LRGUK: variants seen among roughly 807,000 people sequenced by gnomAD.
The protein encoded by LRGUK is leucine-rich repeat and guanylate kinase domain-containing protein.
A neutral mutation model predicts 76.0 loss-of-function variants in LRGUK; 65 were observed. That is an observed-to-expected ratio of 0.85 (90% CI 0.70 to 1.05). The LOEUF is 1.05. LRGUK is among the 50% of genes least tolerant of loss of function. LRGUK has a pLI of 0.00. For synonymous variants in LRGUK, 268 were observed against 265.6 expected (o/e 1.01, Z -0.09); for missense variants, 758 against 732.8 (o/e 1.03, Z -0.40).
chr7:134,254,018 C>T (rs575852712), intron 18 of LRGUK, among the ~76,000 whole-genome samples: 2 of 152,140 alleles, frequency 1.3e-5, no homozygotes, highest in African/African-American at 4.8e-5. Context: ...GTATGGTCCT[C>T]AACAGATAAA....
chr7:134,201,582 A>C lies in LRGUK; in HGVS notation c.1843+6A>C. On this transcript the variant is annotated splice_donor_region_variant and intron_variant, in intron 15 of 15. Coordinates refer to ENST00000645682, the Ensembl canonical transcript of LRGUK. ...GAGTTTGGCTACAACTGCAGGTACT[A>C]TTCTATCATTTTTGTGCCAGGATTT... 6.3e-7 allele frequency: 1 copy of C among 1,589,554 alleles called. No individual in the cohort carries two copies. Among genetic ancestry groups the C allele is most frequent in the Non-Finnish European group, 8.6e-7 (1 of 1,167,194 alleles).
chr7:134,210,662 A>G (rs1175805423), downstream of LRGUK, among the ~76,000 whole-genome samples: 1 of 152,170 alleles, frequency 6.6e-6, no homozygotes, highest in African/African-American at 2.4e-5. Context: ...GGTTCATCGA[A>G]AGGGCAGGTC....
intron 5 of LRGUK, among the ~76,000 whole-genome samples, chr7:134,157,245 T>A (rs1461666215): frequency 6.6e-6 from 1 of 152,208 alleles, no homozygotes; most frequent in Admixed American, 6.5e-5. Context: ...AAAGGGCTGT[T>A]CCTTTCTCTA....
At chr7:134,195,344 G>A (rs1371829006) in intron 12 of LRGUK, among the ~76,000 whole-genome samples, 1 of 152,226 alleles carries the variant, frequency 6.6e-6, no homozygotes, top group Non-Finnish European at 1.5e-5. Flanking sequence ...TTTTGGGAAA[G>A]GGCTGTTATC....
At chr7:134,173,418 T>C (rs931798219) in intron 7 of LRGUK, among the ~76,000 whole-genome samples, 3 of 152,226 alleles carry the variant, frequency 2.0e-5, no homozygotes, top group African/African-American at 7.2e-5. Flanking sequence ...GCAGAAATGA[T>C]TGGAGAAAAA....
chr7:134,204,831 A>G (rs1800934068), intron 15 of LRGUK, among the ~76,000 whole-genome samples: 1 of 152,216 alleles, frequency 6.6e-6, no homozygotes, highest in South Asian at 2.1e-4. Context: ...AATGGGGACC[A>G]GATGTTTACA....
At chr7:134,229,123 C>T (rs1801829243) in intron 16 of LRGUK, among the ~76,000 whole-genome samples, 3 of 152,090 alleles carry the variant, frequency 2.0e-5, no homozygotes, top group African/African-American at 7.2e-5. Context: ...CATCTGTAAT[C>T]CCAGTACTTT....
intron 16 of LRGUK, among the ~76,000 whole-genome samples, chr7:134,225,206 C>T (rs893469306): frequency 2.7e-5 from 4 of 146,526 alleles, no homozygotes; most frequent in Non-Finnish European, 5.9e-5. Flanking sequence ...AAAATGAAGA[C>T]AGTATGGGGA....
chr7:134,265,808 C>T (rs1267835213), downstream of LRGUK, among the ~76,000 whole-genome samples: 1 of 152,168 alleles, frequency 6.6e-6, no homozygotes, highest in Non-Finnish European at 1.5e-5. Flanking sequence ...TGGACCTATT[C>T]CTCACCTGGT....
At position 134,208,927 on chromosome 7, in the gene LRGUK, C is replaced by T. The variant is rs1045643612; in HGVS notation, c.2064C>T (p.Ser688=). 6 of 398,996 alleles carry T rather than the reference C, an allele frequency of 1.5e-5. No individual in the cohort carries two copies. The East Asian group carries it at 1.8e-4, about 12-fold the overall frequency. 24.7% of individuals were successfully genotyped at this position (398,996 alleles called of 1,614,324 possible). The change falls in exon 16 of 16, where the codon AGC becomes AGT. Residue 688 remains serine, a synonymous_variant. Transcript: ENST00000645682. The stretch of plus-strand genomic sequence containing the variant: ...ATCAAAAAGAGCTTTCTCCTGACAG[C>T]CATCTCAATCCTGAGCTCCCTCAAC...
chr7:134,193,796 C>A (rs1800359996), intron 12 of LRGUK, among the ~76,000 whole-genome samples: 1 of 152,162 alleles, frequency 6.6e-6, no homozygotes, highest in African/African-American at 2.4e-5. Context: ...CTCTACACAG[C>A]AGCCACCCAG....
intron 10 of LRGUK, among the ~76,000 whole-genome samples, chr7:134,181,943 T>C (rs1799770065): frequency 6.6e-6 from 1 of 152,202 alleles, no homozygotes; most frequent in African/African-American, 2.4e-5. Context: ...AGTCAAGATA[T>C]AGAGCAGTTT....
rs141597945 is a variant in LRGUK, at chr7:134,133,617, A to G, written c.298-3406A>G. On this transcript the variant is annotated intron_variant, in intron 1 of 15. Coordinates refer to ENST00000645682, the Ensembl canonical transcript of LRGUK. ...CTGGCATGTGCTAGGTATTCTATAG[A>G]GATTTTTTTCCCCCTGATGAATGAG... 1.8e-3 allele frequency among the ~76,000 whole-genome samples: 271 copies of G among 152,284 alleles called. 2 individuals carry two copies. Among genetic ancestry groups the G allele is most frequent in the Non-Finnish European group, 1.6e-3 (112 of 68,030 alleles).
At chr7:134,191,859 G>T in intron 12 of LRGUK, 108 bp downstream of exon 12, 2 of 710,226 alleles carry the variant, frequency 2.8e-6, no homozygotes, top group Non-Finnish European at 4.4e-6. Flanking sequence ...TTTTGTGCTT[G>T]TTATGAGAGG....
At chr7:134,203,056 A>T (rs1800849401) in intron 15 of LRGUK, among the ~76,000 whole-genome samples, 1 of 151,900 alleles carries the variant, frequency 6.6e-6, no homozygotes, top group Non-Finnish European at 1.5e-5. Context: ...TACAAAAATT[A>T]GCCAGGCGTG....
At chr7:134,193,854 C>A (rs916758810) in intron 12 of LRGUK, among the ~76,000 whole-genome samples, 1 of 152,098 alleles carries the variant, frequency 6.6e-6, no homozygotes, top group African/African-American at 2.4e-5. Context: ...TGACGGACAG[C>A]CTTGGCACAC....
In LRGUK at chr7:134,152,521, T is replaced by A. The variant is rs577356112; in HGVS notation, c.670+4202T>A. Among the ~76,000 whole-genome samples, 5 of 152,158 alleles carry A rather than the reference T, an allele frequency of 3.3e-5. No homozygotes were observed. The East Asian group carries it at 9.6e-4, about 29-fold the overall frequency. On this transcript the variant is annotated intron_variant, in intron 5 of 15. Coordinates refer to ENST00000645682, the Ensembl canonical transcript of LRGUK. ...TCATTTGTATTCCAAGAAATGCAACTTAAGACCACATGAGATATTGTATTA... is the reference window on the plus strand; with the variant it reads ...TCATTTGTATTCCAAGAAATGCAACATAAGACCACATGAGATATTGTATTA...
At chr7:134,143,258 A>C in intron 4 of LRGUK, 96 bp downstream of exon 4, 1 of 754,984 alleles carries the variant, frequency 1.3e-6, no homozygotes, top group Admixed American at 2.0e-5. Flanking sequence ...CAGAGAGAAT[A>C]AGATACAGAG....
At chr7:134,143,156 C>T in exon 4 of LRGUK, 1 of 1,591,120 alleles carries the variant, frequency 6.3e-7, no homozygotes, top group Non-Finnish European at 8.6e-7. Context: ...CACCCAAAAA[C>T]CTCAAGGTAG....
Sources: gnomAD v4.1 joint callset for allele counts (sites outside exome capture counted in the v4.1 genomes callset) on GRCh38, gnomAD v4.1.1 for gene constraint, MANE v1.5 for transcripts, NCBI Gene and HGNC (gene_info 2026-07-23, HGNC 2026-07-21) for gene names.